The following MYH14 variants were observed in gnomAD, a reference collection of about 807,000 sequenced individuals.
The protein encoded by MYH14 is myosin heavy chain 14, also known as myosin-14.
In MYH14, 123 loss-of-function variants were observed where a neutral mutation model predicts 255.5. The ratio of observed to expected loss-of-function variants is 0.48; its 90% CI spans 0.42 to 0.56. The LOEUF is 0.56. MYH14 is among the 20% of genes least tolerant of loss of function. MYH14 has a pLI of 0.00. For synonymous variants in MYH14, 1,095 were observed against 1,161.2 expected (o/e 0.94, Z 1.16); for missense variants, 2,423 against 2,802.3 (o/e 0.86, Z 3.06).
chr19:50,295,874 A>G (rs1344174992), intron 39 of MYH14, among the ~76,000 whole-genome samples: 2 of 152,104 alleles, frequency 1.3e-5, no homozygotes, highest in Non-Finnish European at 2.9e-5. Flanking sequence ...GCACTTTGGG[A>G]GGCTGAGGCG....
At chr19:50,253,665 G>C (rs896148870) in intron 16 of MYH14, among the ~76,000 whole-genome samples, 6 of 152,030 alleles carry the variant, frequency 3.9e-5, no homozygotes, top group Non-Finnish European at 8.8e-5. Flanking sequence ...CTGTCTTTTT[G>C]GATTGACACT....
rs1315803822 is a variant in MYH14, at chr19:50,248,997, C to T, written c.1340C>T (p.Ala447Val). ...AGCCCTGTCCCACAGGCTGACTTCG[C>T]GCTGGAGGCCCTGGCCAAGGCCACC... ...KAQTKEQADF[A>V]LEALAKATYE... is the part of the protein sequence containing the mutation. The change falls in exon 13 of 43, where the codon GCG becomes GTG. Residue 447 changes from alanine to valine, a missense_variant. Transcript: ENST00000642316. 8.7e-6 allele frequency: 14 copies of T among 1,613,442 alleles called. No individual in the cohort carries two copies. Among genetic ancestry groups the T allele is most frequent in the Non-Finnish European group, 1.1e-5 (13 of 1,179,810 alleles).
At chr19:50,204,633 G>C (rs1039501523) in intron 1 of MYH14, among the ~76,000 whole-genome samples, 15 of 152,206 alleles carry the variant, frequency 9.9e-5, no homozygotes, top group African/African-American at 3.6e-4. Context: ...AGTGGCTCAG[G>C]CCTGTAATCC....
chr19:50,234,777 A>G (rs982859992), intron 10 of MYH14, among the ~76,000 whole-genome samples: 1 of 152,136 alleles, frequency 6.6e-6, no homozygotes, highest in African/African-American at 2.4e-5. Flanking sequence ...TGGCAGGCGC[A>G]GGCAGCAGCT....
rs1236661519 is a variant in MYH14, at chr19:50,276,472, G to A, written c.3680+269G>A. Among the ~76,000 whole-genome samples, 1 of 152,084 alleles carries A rather than the reference G, an allele frequency of 6.6e-6. No individual in the cohort carries two copies. Among genetic ancestry groups the A allele is most frequent in the Non-Finnish European group, 1.5e-5 (1 of 68,018 alleles). On this transcript the variant is annotated intron_variant, in intron 28 of 42. Coordinates refer to ENST00000642316, the MANE Select transcript of MYH14 (RefSeq NM_001145809.2). The surrounding 1 kb of genome is among the most constrained non-coding windows in gnomAD (Gnocchi z 4.3). ...AGGGGTGCTTTAGCGGAGTAACACGGGGCACTGTGGGTGATAAGTGAAGAC... is the reference window on the plus strand; with the variant it reads ...AGGGGTGCTTTAGCGGAGTAACACGAGGCACTGTGGGTGATAAGTGAAGAC...
chr19:50,235,993 A>G (rs966609224), intron 10 of MYH14, among the ~76,000 whole-genome samples: 5 of 151,462 alleles, frequency 3.3e-5, no homozygotes, highest in African/African-American at 1.2e-4. Context: ...CCTTGCAGAT[A>G]GAGCCTTAGG....
At chr19:50,279,587 T>C (rs1185143283) in intron 30 of MYH14, among the ~76,000 whole-genome samples, 1 of 152,186 alleles carries the variant, frequency 6.6e-6, no homozygotes, top group African/African-American at 2.4e-5. Context: ...GAGCCGAGAT[T>C]GCACCATTGC....
intron 10 of MYH14, among the ~76,000 whole-genome samples, chr19:50,236,703 A>G (rs184120871): frequency 6.6e-6 from 1 of 152,014 alleles, no homozygotes; most frequent in Non-Finnish European, 1.5e-5. Flanking sequence ...GCAAGACTCC[A>G]TCTCAAAAAA....
At position 50,210,401 on chromosome 19, in the gene MYH14, G is replaced by A. The variant is rs372741317; in HGVS notation, c.36G>A (p.Lys12=). ...TGACCATGTCGGTGCCCGGGCGGAAGGCGCCCCCCAGGCCGGGCCCAGTGC... is the reference window on the plus strand; with the variant it reads ...TGACCATGTCGGTGCCCGGGCGGAAAGCGCCCCCCAGGCCGGGCCCAGTGC... The part of the protein sequence containing the change: ...AAVTMSVPGR[K]APPRPGPVPE... Residue 12 remains lysine, a synonymous_variant, in exon 2 of 43, where the codon AAG becomes AAA. Transcript: ENST00000642316. 279 of 1,578,718 alleles carry A rather than the reference G, an allele frequency of 1.8e-4. No individual in the cohort carries two copies. The African/African-American group carries it at 3.5e-3, about 20-fold the overall frequency.
intron 15 of MYH14, among the ~76,000 whole-genome samples, chr19:50,251,887 T>C (rs1192753411): frequency 6.6e-6 from 1 of 151,878 alleles, no homozygotes; most frequent in Non-Finnish European, 1.5e-5. Context: ...CCTATTCCAG[T>C]GAAAGTATTT....
At position 50,309,630 on chromosome 19, in the gene MYH14, C is replaced by T. The variant is rs776693090; in HGVS notation, c.5961-10C>T. 214 of 1,606,778 alleles carry T rather than the reference C, an allele frequency of 1.3e-4. No homozygotes were observed. Among genetic ancestry groups the T allele is most frequent in the Non-Finnish European group, 1.7e-4 (197 of 1,176,656 alleles). ...TTTCATCTCTGTATCCTGGTCTCTC[C>T]TCCCCACAGACGCGGCCCCCTCACC... On this transcript the variant is annotated splice_polypyrimidine_tract_variant and intron_variant, in intron 42 of 42. Transcript: ENST00000642316.
At chr19:50,279,911 C>T (rs149242097) in intron 30 of MYH14, 126 bp from the exon 31 acceptor site, 16,931 of 765,652 alleles carry the variant, frequency 0.022, 223 homozygotes, top group Non-Finnish European at 0.03. Context: ...TGTGGATCTG[C>T]CAGACTGTTT....
intron 5 of MYH14, among the ~76,000 whole-genome samples, chr19:50,223,695 C>T (rs539804974): frequency 6.6e-6 from 1 of 152,164 alleles, no homozygotes; most frequent in African/African-American, 2.4e-5. Flanking sequence ...CTGTTCCAAG[C>T]CCTGTTCTCA....
intron 3 of MYH14, among the ~76,000 whole-genome samples, chr19:50,219,052 C>CTA (rs1472182554): frequency 1.1e-4 from 16 of 143,326 alleles, no homozygotes; most frequent in African/African-American, 3.5e-4. Flanking sequence ...TACTCTCTCT[C>CTA]TCTATATATA....
At chr19:50,271,663 G>C in intron 25 of MYH14, 117 bp downstream of exon 25, 4 of 1,467,490 alleles carry the variant, frequency 2.7e-6, no homozygotes, top group Non-Finnish European at 3.7e-6. Flanking sequence ...TGCACCGGTG[G>C]GGGTGGGATG....
Position 50,230,487 on chromosome 19 carries a change from G to T in MYH14, c.875-38G>T. ...GTAGTGGCCTGGCAGCGTCGGGGCC[G>T]TCCCTTCCCCTCTAGCACCTTGACT... On this transcript the variant is annotated intron_variant, in intron 8 of 42. Transcript: ENST00000642316. This position sits in a 1 kb window ranked among gnomAD's most constrained non-coding sequence, Gnocchi z 4.7. The T allele has an allele frequency of 6.5e-7, 1 of 1,534,612 alleles. No homozygotes were observed. Among genetic ancestry groups the T allele is most frequent in the African/African-American group, 1.4e-5 (1 of 72,826 alleles).
Position 50,210,616 on chromosome 19 carries a change from AG to A in MYH14, c.252del (p.Ser85AlafsTer15). On this transcript the variant is annotated frameshift_variant, in exon 2 of 43. Transcript: ENST00000642316. LOFTEE classifies it high-confidence loss of function. Reference sequence around the variant, plus strand: ...GAGGAGGCGGAGGTGGAGCTGGCGGAGAGCGGGAGGCGGCTGCGACTGCCGC... The same window carrying A: ...GAGGAGGCGGAGGTGGAGCTGGCGGAAGCGGGAGGCGGCTGCGACTGCCGC... ...GEEEAEVELAESGRRLRLPRD... is the reference protein window; with the variant it reads ...GEEEAEVELAXSGRRLRLPRD... The A allele has an allele frequency of 6.4e-7, 1 of 1,570,356 alleles. No homozygotes were observed. The highest frequency in any genetic ancestry group is 8.6e-7 in the Non-Finnish European group (1 of 1,158,894).
At chr19:50,265,427 G>A (rs2035050391) in intron 22 of MYH14, among the ~76,000 whole-genome samples, 1 of 152,124 alleles carries the variant, frequency 6.6e-6, no homozygotes, top group Non-Finnish European at 1.5e-5. Context: ...ACGAAGGATT[G>A]CTTAAGCCCA....
chr19:50,251,578 A>ATATATATG (rs1371900514), intron 15 of MYH14, among the ~76,000 whole-genome samples: 9 of 148,048 alleles, frequency 6.1e-5, no homozygotes, highest in African/African-American at 2.3e-4. Flanking sequence ...ACATATATAT[A>ATATATATG]TGTATTTTTT....
Sources: allele counts gnomAD v4.1 joint callset (sites outside exome capture counted in the v4.1 genomes callset), GRCh38; gene constraint gnomAD v4.1.1; non-coding constraint Gnocchi (gnomAD v3.1); transcripts MANE v1.5; gene names NCBI Gene and HGNC (gene_info 2026-07-23, HGNC 2026-07-21).